RASEF: variants seen among roughly 807,000 people sequenced by gnomAD.
The protein encoded by RASEF is RAS and EF-hand domain containing.
In RASEF, 68 loss-of-function variants were observed where a neutral mutation model predicts 90.1. The observed-to-expected ratio is 0.75, with a 90% CI of 0.62 to 0.92. The LOEUF is 0.92. Ranked by LOEUF, RASEF falls within the 40% of genes least tolerant of loss-of-function variation. RASEF has a pLI of 0.00. For synonymous variants in RASEF, 331 were observed against 345.2 expected (o/e 0.96, Z 0.46); for missense variants, 949 against 937.2 (o/e 1.01, Z -0.16).
At chr9:83,048,070 G>C in intron 1 of RASEF, 1 of 969,526 alleles carries the variant, frequency 1.0e-6, no homozygotes, top group South Asian at 4.8e-5. Flanking sequence ...ATATAAAGCA[G>C]AGGCTCTTAC....
upstream of RASEF, among the ~76,000 whole-genome samples, chr9:83,064,057 C>T (rs905872646): frequency 1.3e-5 from 2 of 152,060 alleles, no homozygotes; most frequent in African/African-American, 4.8e-5. Flanking sequence ...CTGTATTTTT[C>T]TTTTATCTCA....
chr9:83,120,067 G>A, the RASEF span, among the ~76,000 whole-genome samples: 2 of 152,112 alleles, frequency 1.3e-5, no homozygotes, highest in African/African-American at 4.8e-5. Context: ...TTCTGCATTT[G>A]ACATATATTG....
the RASEF span, among the ~76,000 whole-genome samples, chr9:83,112,826 T>C: frequency 6.6e-6 from 1 of 152,140 alleles, no homozygotes; most frequent in Non-Finnish European, 1.5e-5. Flanking sequence ...TTTGGGTTTT[T>C]TTGTTTTTTG....
chr9:83,067,719 ATTAT>A (rs1295970172), upstream of RASEF, among the ~76,000 whole-genome samples: 1 of 152,232 alleles, frequency 6.6e-6, no homozygotes, highest in Non-Finnish European at 1.5e-5. Flanking sequence ...GTTGGCGTTC[ATTAT>A]TAGAACTGAG....
At chr9:83,185,719 T>C in the RASEF span, among the ~76,000 whole-genome samples, 1 of 152,080 alleles carries the variant, frequency 6.6e-6, no homozygotes, top group Non-Finnish European at 1.5e-5. Flanking sequence ...CTGAGGGGAC[T>C]CTCTAAGGCA....
chr9:83,103,216 C>G, the RASEF span, among the ~76,000 whole-genome samples: 4 of 152,186 alleles, frequency 2.6e-5, no homozygotes, highest in African/African-American at 9.7e-5. Flanking sequence ...CCATTGTCAT[C>G]ATTCAGTAGT....
chr9:83,054,666 C>A (rs1830070631), intron 1 of RASEF: 1 of 145,902 alleles, frequency 6.9e-6, no homozygotes, highest in South Asian at 2.2e-4. Context: ...TTTTCCCCAT[C>A]TTTGTGGTTT....
the RASEF span, among the ~76,000 whole-genome samples, chr9:83,100,127 T>C: frequency 6.6e-6 from 1 of 152,236 alleles, no homozygotes; most frequent in African/African-American, 2.4e-5. Flanking sequence ...AATGAGACTT[T>C]ATTTCTTCCC....
chr9:83,142,900 A>ACAGT, the RASEF span, among the ~76,000 whole-genome samples: 188 of 33,862 alleles, frequency 5.6e-3, 1 homozygote, highest in African/African-American at 0.035. Flanking sequence ...AAATTATAAA[A>ACAGT]CAGAACAAGA....
At chr9:83,124,302 G>A in the RASEF span, among the ~76,000 whole-genome samples, 1 of 152,026 alleles carries the variant, frequency 6.6e-6, no homozygotes, top group Non-Finnish European at 1.5e-5. Flanking sequence ...AATTCTTTGG[G>A]GTATTACACC....
chr9:82,996,832 C>A (rs577205832), intron 14 of RASEF, among the ~76,000 whole-genome samples, 180 bp downstream of exon 14: 1 of 152,160 alleles, frequency 6.6e-6, no homozygotes, highest in Non-Finnish European at 1.5e-5. Context: ...GGGAAATGTG[C>A]CCAAATCCTG....
chr9:83,201,446 G>A, the RASEF span, among the ~76,000 whole-genome samples: 1 of 152,196 alleles, frequency 6.6e-6, no homozygotes, highest in Non-Finnish European at 1.5e-5. Flanking sequence ...TGGTAATGGA[G>A]GAGACACTCC....
chr9:83,160,204 T>G, the RASEF span, among the ~76,000 whole-genome samples: 2 of 151,950 alleles, frequency 1.3e-5, no homozygotes, highest in Non-Finnish European at 2.9e-5. Flanking sequence ...GAGGCTGAGG[T>G]TGGAACAGTT....
At chr9:83,198,518 TG>T in the RASEF span, among the ~76,000 whole-genome samples, 1 of 152,156 alleles carries the variant, frequency 6.6e-6, no homozygotes, top group African/African-American at 2.4e-5. Flanking sequence ...GGCCCCATTT[TG>T]TTAACTCACT....
chr9:83,120,813 G>C, the RASEF span, among the ~76,000 whole-genome samples: 1 of 152,132 alleles, frequency 6.6e-6, no homozygotes, highest in Admixed American at 6.6e-5. Context: ...AAGAACAAAG[G>C]AAGGTGATAC....
chr9:83,041,292 T>G (rs1264934943), intron 1 of RASEF, among the ~76,000 whole-genome samples: 1 of 152,258 alleles, frequency 6.6e-6, no homozygotes, highest in East Asian at 1.9e-4. Context: ...TGATATTATT[T>G]GTTTAGTGTC....
chr9:83,173,325 T>TC, the RASEF span, among the ~76,000 whole-genome samples: 1 of 151,972 alleles, frequency 6.6e-6, no homozygotes, highest in Non-Finnish European at 1.5e-5. Flanking sequence ...AAACTTTCTA[T>TC]CCCAACTTCT....
the RASEF span, among the ~76,000 whole-genome samples, chr9:83,209,240 G>A: frequency 6.6e-6 from 1 of 152,224 alleles, no homozygotes; most frequent in Admixed American, 6.5e-5. Flanking sequence ...GTCTTGGGAA[G>A]CCATCAACAC....
At chr9:82,996,400 T>TG (rs1828919446) in intron 14 of RASEF, among the ~76,000 whole-genome samples, 1 of 152,232 alleles carries the variant, frequency 6.6e-6, no homozygotes, top group South Asian at 2.1e-4. Flanking sequence ...TTATTTACCA[T>TG]GAAACCAGAG....
Sources: gnomAD v4.1 joint callset for allele counts (sites outside exome capture counted in the v4.1 genomes callset) on GRCh38, gnomAD v4.1.1 for gene constraint, MANE v1.5 for transcripts, NCBI Gene and HGNC (gene_info 2026-07-23, HGNC 2026-07-21) for gene names.